ARHGAP42: variants seen among roughly 807,000 people sequenced by gnomAD.
ARHGAP42 encodes the protein Rho GTPase activating protein 42, also known as rho GTPase-activating protein 42.
ARHGAP42 carries 63 observed loss-of-function variants against 125.0 expected under a neutral mutation model. That is an observed-to-expected ratio of 0.50 (90% CI 0.41 to 0.62). ARHGAP42 has a LOEUF of 0.62. Among genes scored for constraint, ARHGAP42 ranks in the 20% least tolerant of loss-of-function variants. The pLI is 0.00. For missense variants in ARHGAP42, 766 were observed against 1,024.2 expected, an observed-to-expected ratio of 0.75 and a Z score of 3.44; for synonymous variants, 339 against 351.0, an observed-to-expected ratio of 0.97 and a Z score of 0.38.
At chr11:100,773,155 G>A (rs1039920108) in intron 2 of ARHGAP42, among the ~76,000 whole-genome samples, 1 of 152,094 alleles carries the variant, frequency 6.6e-6, no homozygotes, top group Non-Finnish European at 1.5e-5. Context: ...GTTATATTAA[G>A]CTATAAATTC....
At chr11:100,900,318 TTCTC>T (rs1866508473) in intron 4 of ARHGAP42, among the ~76,000 whole-genome samples, 1 of 152,172 alleles carries the variant, frequency 6.6e-6, no homozygotes, top group Non-Finnish European at 1.5e-5. Context: ...AACCTGACCT[TTCTC>T]TCTGGCTGTG....
chr11:100,752,744 C>G (rs562472530), intron 1 of ARHGAP42, among the ~76,000 whole-genome samples: 4 of 152,336 alleles, frequency 2.6e-5, no homozygotes, highest in African/African-American at 7.2e-5. Context: ...TTGGCTTTCT[C>G]AAATTCTGGT....
At chr11:100,810,017 T>A (rs1864097437) in intron 3 of ARHGAP42, among the ~76,000 whole-genome samples, 1 of 152,120 alleles carries the variant, frequency 6.6e-6, no homozygotes, top group Non-Finnish European at 1.5e-5. Flanking sequence ...TATTATGATA[T>A]GATTTTCCAC....
intron 1 of ARHGAP42, among the ~76,000 whole-genome samples, chr11:100,733,465 G>C (rs1456222923): frequency 6.6e-6 from 1 of 152,176 alleles, no homozygotes; most frequent in Non-Finnish European, 1.5e-5. Flanking sequence ...TTGCTAGTGA[G>C]ATCCCATAAA....
At chr11:100,698,184 C>A (rs1480543443) in intron 1 of ARHGAP42, among the ~76,000 whole-genome samples, 1 of 152,190 alleles carries the variant, frequency 6.6e-6, no homozygotes, top group Non-Finnish European at 1.5e-5. Context: ...AACCACCACA[C>A]TCAGCCTTCA....
intron 1 of ARHGAP42, among the ~76,000 whole-genome samples, chr11:100,711,921 AAAT>A (rs1344379723): frequency 6.6e-6 from 1 of 152,226 alleles, no homozygotes; most frequent in African/African-American, 2.4e-5. Context: ...AAAGATGTAA[AAAT>A]AATATCTTTG....
At chr11:100,827,875 T>C (rs1864561060) in intron 3 of ARHGAP42, among the ~76,000 whole-genome samples, 1 of 152,204 alleles carries the variant, frequency 6.6e-6, no homozygotes, top group Non-Finnish European at 1.5e-5. Flanking sequence ...AGGAGATGTG[T>C]GGAAGAGAAA....
At chr11:100,793,070 A>G (rs947959683) in intron 2 of ARHGAP42, among the ~76,000 whole-genome samples, 2 of 151,990 alleles carry the variant, frequency 1.3e-5, no homozygotes, top group Non-Finnish European at 2.9e-5. Flanking sequence ...TTCTTTTTTT[A>G]AAAAACATAC....
At chr11:100,975,590 G>A (rs1858368385) in intron 19 of ARHGAP42, among the ~76,000 whole-genome samples, 1 of 152,152 alleles carries the variant, frequency 6.6e-6, no homozygotes, top group African/African-American at 2.4e-5. Context: ...ATGAAAGAAG[G>A]CTGAGTACTT....
At chr11:100,809,501 A>G (rs78375356) in intron 3 of ARHGAP42, among the ~76,000 whole-genome samples, 632 of 152,352 alleles carry the variant, frequency 4.1e-3, no homozygotes, top group African/African-American at 0.015. Context: ...ACAGAATACT[A>G]TGATAGTTGT....
At chr11:100,884,751 T>G (rs1333256894) in intron 4 of ARHGAP42, among the ~76,000 whole-genome samples, 1 of 152,206 alleles carries the variant, frequency 6.6e-6, no homozygotes, top group East Asian at 1.9e-4. Flanking sequence ...GATTTTACCG[T>G]AATGAAATTT....
intron 3 of ARHGAP42, among the ~76,000 whole-genome samples, chr11:100,811,670 C>T (rs1864146570): frequency 6.6e-6 from 1 of 151,622 alleles, no homozygotes; most frequent in African/African-American, 2.4e-5. Flanking sequence ...TGGTTAAGTT[C>T]CATATTTTTA....
chr11:100,725,933 T>TC (rs1555110694), intron 1 of ARHGAP42, among the ~76,000 whole-genome samples: 1 of 42,088 alleles, frequency 2.4e-5, no homozygotes, highest in Non-Finnish European at 4.4e-5. Context: ...AGACTCCGTC[T>TC]CAAAAAAAAA....
chr11:100,960,006 T>C (rs1857912858), intron 13 of ARHGAP42, 61 bp downstream of exon 13: 3 of 1,395,792 alleles, frequency 2.1e-6, no homozygotes, highest in South Asian at 1.3e-5. Context: ...CATGGAAAAC[T>C]CTCAGAGTAG....
chr11:100,962,344 C>T, intron 15 of ARHGAP42, 65 bp from the exon 16 acceptor site: 6 of 1,295,142 alleles, frequency 4.6e-6, no homozygotes, highest in Non-Finnish European at 6.4e-6. Flanking sequence ...TAAAGAAACA[C>T]TTAACGTTTA....
chr11:100,800,893 T>G (rs1030163086), intron 3 of ARHGAP42, among the ~76,000 whole-genome samples: 1 of 152,238 alleles, frequency 6.6e-6, no homozygotes, highest in Non-Finnish European at 1.5e-5. Flanking sequence ...TTCAGTCACA[T>G]AAGTTAACAC....
intron 8 of ARHGAP42, among the ~76,000 whole-genome samples, chr11:100,937,813 C>T (rs549705368): frequency 2.6e-4 from 40 of 152,304 alleles, no homozygotes; most frequent in African/African-American, 9.1e-4. Flanking sequence ...TTCGGTCCTA[C>T]TTGGTAGTGA....
chr11:100,892,844 A>G (rs192914974), intron 4 of ARHGAP42, among the ~76,000 whole-genome samples: 1 of 152,308 alleles, frequency 6.6e-6, no homozygotes, highest in East Asian at 1.9e-4. Flanking sequence ...CCTCATGACT[A>G]CAAGTATAAC....
At chr11:100,857,591 A>T (rs1410863887) in intron 3 of ARHGAP42, among the ~76,000 whole-genome samples, 2 of 152,134 alleles carry the variant, frequency 1.3e-5, no homozygotes, top group African/African-American at 4.8e-5. Flanking sequence ...CATCAGATGT[A>T]ACTGGACCAA....
Sources: gnomAD v4.1 joint callset for allele counts (sites outside exome capture counted in the v4.1 genomes callset) on GRCh38, gnomAD v4.1.1 for gene constraint, MANE v1.5 for transcripts, NCBI Gene and HGNC (gene_info 2026-07-23, HGNC 2026-07-21) for gene names.